FOXP1: variants seen among roughly 807,000 people sequenced by gnomAD.
FOXP1 encodes the protein forkhead box P1.
In FOXP1, 15 loss-of-function variants were observed where a neutral mutation model predicts 98.2. That is an observed-to-expected ratio of 0.15 (90% CI 0.10 to 0.24). The LOEUF is 0.24. Among genes scored for constraint, FOXP1 ranks in the 10% least tolerant of loss-of-function variants. The probability of loss-of-function intolerance (pLI) is 1.00; values close to 1 mark genes in which losing one functional copy is unlikely to be tolerated. For missense variants in FOXP1, 633 were observed against 848.5 expected, an observed-to-expected ratio of 0.75 and a Z score of 3.15; for synonymous variants, 371 against 314.5, an observed-to-expected ratio of 1.18 and a Z score of -1.90.
chr3:70,997,089 T>C (rs1395741168), intron 13 of FOXP1, among the ~76,000 whole-genome samples: 1 of 152,156 alleles, frequency 6.6e-6, no homozygotes, highest in African/African-American at 2.4e-5. Flanking sequence ...AAATACGAAA[T>C]AGGCTTTGGG....
chr3:71,235,113 T>C (rs1285712508), intron 5 of FOXP1, among the ~76,000 whole-genome samples: 10 of 129,278 alleles, frequency 7.7e-5, no homozygotes, highest in Admixed American at 6.7e-4. Flanking sequence ...AGTGAAGGCT[T>C]CCATTTATTC....
rs794727811 is a variant in FOXP1 at position 71,198,318 on chromosome 3, C to T, written c.64G>A (p.Gly22Ser). 3 of 1,613,788 alleles carry T rather than the reference C, an allele frequency of 1.9e-6. No individual in the cohort carries two copies. Among genetic ancestry groups the T allele is most frequent in the Admixed American group, 3.3e-5 (2 of 59,976 alleles). The change falls in exon 6 of 21, where the codon GGC (glycine) becomes AGC (serine). Residue 22 changes from glycine to serine, a missense_variant. By Grantham distance (56) the Gly-to-Ser change is moderately conservative (BLOSUM62 0). This residue lies in a region of FOXP1 where 103 missense variants were observed against 85.5 expected (regional missense o/e 1.20). Coordinates refer to ENST00000649528, the MANE Select transcript of FOXP1 (RefSeq NM_001349338.3). ...NGSAIQNGSG[G>S]SNHLLECGGL... ...CCGCACTCTAGTAAGTGGTTGCTGC[C>T]GCCCGACCCATTCTGGATGGCTGAA... is the stretch of plus-strand genomic sequence containing the variant.
chr3:71,023,311 A>T (rs1227895615), intron 11 of FOXP1, among the ~76,000 whole-genome samples: 1 of 152,196 alleles, frequency 6.6e-6, no homozygotes, highest in Non-Finnish European at 1.5e-5. Context: ...AAGCCACAGA[A>T]TCCTCCTTTT....
chr3:71,052,661 G>GATT, intron 8 of FOXP1, 35 bp from the exon 9 acceptor site: 2 of 902,514 alleles, frequency 2.2e-6, no homozygotes, highest in Non-Finnish European at 3.8e-6. Context: ...AGTAACAGAG[G>GATT]GTAGCGCCAA....
chr3:71,348,536 T>C (rs866814027), intron 4 of FOXP1, among the ~76,000 whole-genome samples: 51 of 66,872 alleles, frequency 7.6e-4, no homozygotes, highest in South Asian at 3.6e-3. Flanking sequence ...TGTGTGTGTG[T>C]GTGTGTGTGT....
intron 2 of FOXP1, among the ~76,000 whole-genome samples, chr3:71,547,689 A>G (rs901729195): frequency 1.3e-5 from 2 of 152,210 alleles, no homozygotes; most frequent in African/African-American, 4.8e-5. Context: ...TCCTGGCACA[A>G]TTACCTAATG....
intron 19 of FOXP1, 109 bp from the exon 20 acceptor site, chr3:70,966,165 G>A: frequency 9.9e-7 from 1 of 1,010,356 alleles, no homozygotes; most frequent in Non-Finnish European, 1.5e-6. Flanking sequence ...TTGTAGCATG[G>A]CTGGCAAATA....
chr3:70,961,528 G>A (rs190890342), intron 20 of FOXP1, among the ~76,000 whole-genome samples: 5 of 152,234 alleles, frequency 3.3e-5, no homozygotes, highest in South Asian at 4.2e-4. Flanking sequence ...ACCATGGCTC[G>A]CCGGATATTT....
intron 13 of FOXP1, among the ~76,000 whole-genome samples, chr3:70,991,198 G>A (rs962259838): frequency 1.6e-4 from 25 of 152,028 alleles, no homozygotes; most frequent in African/African-American, 5.3e-4. Flanking sequence ...AATTTTGATC[G>A]TTTAAAGAAT....
chr3:71,220,810 AG>A (rs1228761915), intron 5 of FOXP1, among the ~76,000 whole-genome samples: 1 of 149,878 alleles, frequency 6.7e-6, no homozygotes, highest in Non-Finnish European at 1.5e-5. Flanking sequence ...GGAGAAAAGA[AG>A]GGTCCTCAGA....
chr3:71,279,856 G>A (rs1437850229), intron 5 of FOXP1, among the ~76,000 whole-genome samples: 3 of 152,048 alleles, frequency 2.0e-5, no homozygotes, highest in Admixed American at 6.6e-5. Context: ...AGGCGCGGTG[G>A]CTCATACCTG....
At chr3:71,370,534 G>A (rs2079221537) in intron 3 of FOXP1, among the ~76,000 whole-genome samples, 1 of 152,152 alleles carries the variant, frequency 6.6e-6, no homozygotes, top group Admixed American at 6.6e-5. Flanking sequence ...AAACACTTGA[G>A]GAAAGGGCAC....
intron 4 of FOXP1, among the ~76,000 whole-genome samples, chr3:71,337,581 T>C (rs1235289177): frequency 6.6e-6 from 1 of 152,218 alleles, no homozygotes; most frequent in Non-Finnish European, 1.5e-5. Flanking sequence ...TATAGAAATA[T>C]TGGCTATTCT....
At chr3:71,188,149 G>C (rs1206747532) in intron 6 of FOXP1, among the ~76,000 whole-genome samples, 1 of 152,106 alleles carries the variant, frequency 6.6e-6, no homozygotes, top group African/African-American at 2.4e-5. Context: ...AAAAGCAAAA[G>C]ACATTTTACG....
chr3:71,115,355 G>C (rs2058293228), intron 6 of FOXP1, among the ~76,000 whole-genome samples: 1 of 100,950 alleles, frequency 9.9e-6, no homozygotes, highest in Admixed American at 1.0e-4. Flanking sequence ...ATTTATTTTG[G>C]AGACGGAGTC....
intron 4 of FOXP1, among the ~76,000 whole-genome samples, chr3:71,322,521 C>A (rs2075449232): frequency 6.6e-6 from 1 of 152,192 alleles, no homozygotes; most frequent in African/African-American, 2.4e-5. Flanking sequence ...GAGGTTTTCT[C>A]ATGGAGCCAG....
chr3:71,558,549 C>T (rs2046306767), intron 2 of FOXP1, among the ~76,000 whole-genome samples: 1 of 149,924 alleles, frequency 6.7e-6, no homozygotes, highest in Non-Finnish European at 1.5e-5. Context: ...TGCTGGAGTG[C>T]AGTAGGGTGA....
intron 5 of FOXP1, among the ~76,000 whole-genome samples, chr3:71,249,128 T>G (rs1262336987): frequency 6.6e-6 from 1 of 152,228 alleles, no homozygotes; most frequent in Non-Finnish European, 1.5e-5. Context: ...TTTAGAGTCA[T>G]GTGGATGCCA....
chr3:71,184,198 C>G (rs1429916819), intron 6 of FOXP1, among the ~76,000 whole-genome samples: 1 of 152,096 alleles, frequency 6.6e-6, no homozygotes, highest in African/African-American at 2.4e-5. Flanking sequence ...TGCTCACGCA[C>G]ATAAAAGTTT....
Sources: allele counts gnomAD v4.1 joint callset (sites outside exome capture counted in the v4.1 genomes callset), GRCh38; gene constraint gnomAD v4.1.1; regional missense constraint gnomAD v4.1.1; transcripts MANE v1.5; gene names NCBI Gene and HGNC (gene_info 2026-07-23, HGNC 2026-07-21).